Variants in LINGO2 observed in about 807,000 individuals in gnomAD.
LINGO2 encodes the protein leucine-rich repeat and immunoglobulin-like domain-containing nogo receptor-interacting protein 2.
In LINGO2, 14 loss-of-function variants were observed where a neutral mutation model predicts 30.6. That is an observed-to-expected ratio of 0.46 (90% CI 0.30 to 0.72). LINGO2 has a LOEUF of 0.72. Ranked by LOEUF, LINGO2 falls within the 30% of genes least tolerant of loss-of-function variation. The pLI is 0.07. For synonymous variants in LINGO2, 317 were observed against 288.5 expected, an observed-to-expected ratio of 1.10 and a Z score of -1.00; for missense variants, 729 against 751.7, an observed-to-expected ratio of 0.97 and a Z score of 0.35.
chr9:28,574,259 A>G (rs1339222731), intron 1 of LINGO2, among the ~76,000 whole-genome samples: 2 of 152,238 alleles, frequency 1.3e-5, no homozygotes, highest in African/African-American at 4.8e-5. Context: ...TGTTAAATTT[A>G]ACATTTGCAA....
the LINGO2 span, among the ~76,000 whole-genome samples, chr9:29,002,844 G>T: frequency 1.3e-5 from 2 of 151,850 alleles, no homozygotes; most frequent in African/African-American, 4.8e-5. Flanking sequence ...TGTCATTAGG[G>T]GTTCAGTTGT....
intron 5 of LINGO2, among the ~76,000 whole-genome samples, chr9:27,985,351 T>G (rs528253608): frequency 6.6e-6 from 1 of 152,028 alleles, no homozygotes; most frequent in South Asian, 2.1e-4. Flanking sequence ...AACATAAAAT[T>G]TACAGTATAC....
chr9:28,192,873 T>C (rs1819871294), intron 4 of LINGO2, among the ~76,000 whole-genome samples: 1 of 152,164 alleles, frequency 6.6e-6, no homozygotes, highest in South Asian at 2.1e-4. Context: ...GAAAATTTTG[T>C]CTTTTAGGCT....
At chr9:28,208,077 AT>A (rs1820470430) in intron 4 of LINGO2, among the ~76,000 whole-genome samples, 1 of 152,106 alleles carries the variant, frequency 6.6e-6, no homozygotes, top group Non-Finnish European at 1.5e-5. Context: ...ACTGTCCATT[AT>A]TTTACTGCTG....
At chr9:28,341,988 C>CG (rs1417407483) in intron 3 of LINGO2, among the ~76,000 whole-genome samples, 1 of 152,088 alleles carries the variant, frequency 6.6e-6, no homozygotes, top group Non-Finnish European at 1.5e-5. Context: ...GATGAATGCT[C>CG]AAGCCTTCTT....
chr9:28,740,228 C>T, the LINGO2 span, among the ~76,000 whole-genome samples: 1 of 151,486 alleles, frequency 6.6e-6, no homozygotes, highest in Non-Finnish European at 1.5e-5. Flanking sequence ...ATATATTCTG[C>T]TGCTGTTGAA....
At chr9:28,749,599 TA>T in the LINGO2 span, among the ~76,000 whole-genome samples, 5 of 151,892 alleles carry the variant, frequency 3.3e-5, no homozygotes, top group East Asian at 3.9e-4. Context: ...TCAGCATTTA[TA>T]AAAAAAATTA....
Position 28,019,329 on chromosome 9 carries a change from T to TC in LINGO2, c.-86-6925_-86-6924insG, listed in dbSNP as rs146336989. On this transcript the variant is annotated intron_variant, in intron 4 of 5. Transcript: ENST00000379992. Reference sequence around the variant, plus strand: ...CCTAGGGGAATATATGTTTTTTTTTTTCCATTCCTTAGTAATGGATTAGCA... The same window carrying TC: ...CCTAGGGGAATATATGTTTTTTTTTTCTCCATTCCTTAGTAATGGATTAGCA... Among the ~76,000 whole-genome samples, 32 of 141,094 alleles carry TC rather than the reference T, an allele frequency of 2.3e-4. No individual in the cohort carries two copies. In the East Asian group the frequency reaches 6.2e-3, roughly 28 times the overall value. 92.6% of individuals were successfully genotyped at this position (141,094 alleles called of 152,430 possible).
the LINGO2 span, among the ~76,000 whole-genome samples, chr9:28,988,459 G>T: frequency 6.6e-6 from 1 of 151,910 alleles, no homozygotes; most frequent in Non-Finnish European, 1.5e-5. Flanking sequence ...AGCATATAGT[G>T]GAGTCTTTAA....
chr9:29,086,165 ACT>A, the LINGO2 span, among the ~76,000 whole-genome samples: 1 of 152,010 alleles, frequency 6.6e-6, no homozygotes, highest in Non-Finnish European at 1.5e-5. Context: ...GACATGTAAG[ACT>A]CTGAAGTTCC....
At chr9:28,578,666 G>C (rs916935763) in intron 1 of LINGO2, among the ~76,000 whole-genome samples, 3 of 151,964 alleles carry the variant, frequency 2.0e-5, no homozygotes, top group Admixed American at 2.0e-4. Context: ...GGTCATTATA[G>C]TTATAAATTC....
At chr9:28,218,232 C>G (rs1820837061) in intron 4 of LINGO2, among the ~76,000 whole-genome samples, 1 of 150,586 alleles carries the variant, frequency 6.6e-6, no homozygotes, top group Non-Finnish European at 1.5e-5. Context: ...TACAATAACT[C>G]TATTATACAG....
intron 4 of LINGO2, among the ~76,000 whole-genome samples, chr9:28,171,844 T>C (rs1490220157): frequency 2.8e-5 from 4 of 144,370 alleles, no homozygotes; most frequent in African/African-American, 5.2e-5. Flanking sequence ...CCGTCTCTAC[T>C]GAAAAAAAAA....
chr9:28,227,494 G>C (rs1265109736), intron 4 of LINGO2, among the ~76,000 whole-genome samples: 1 of 152,044 alleles, frequency 6.6e-6, no homozygotes, highest in Non-Finnish European at 1.5e-5. Context: ...TGGAAATGCA[G>C]AATCTATATT....
the LINGO2 span, among the ~76,000 whole-genome samples, chr9:28,993,874 A>T: frequency 6.6e-6 from 1 of 152,150 alleles, no homozygotes; most frequent in Non-Finnish European, 1.5e-5. Flanking sequence ...ATCTCAAAAT[A>T]ATTAGAGCTA....
At chr9:29,090,583 T>C in the LINGO2 span, among the ~76,000 whole-genome samples, 1 of 152,072 alleles carries the variant, frequency 6.6e-6, no homozygotes, top group Non-Finnish European at 1.5e-5. Context: ...ACATATGTTC[T>C]CATAAGATGG....
At chr9:28,349,051 A>C (rs1819730988) in intron 3 of LINGO2, among the ~76,000 whole-genome samples, 1 of 151,686 alleles carries the variant, frequency 6.6e-6, no homozygotes, top group African/African-American at 2.4e-5. Context: ...GATGGGGAAA[A>C]AACAGAACAG....
At chr9:28,693,123 T>C in the LINGO2 span, among the ~76,000 whole-genome samples, 1 of 152,086 alleles carries the variant, frequency 6.6e-6, no homozygotes, top group Non-Finnish European at 1.5e-5. Context: ...CCGGGCACTT[T>C]TCTCCAATTT....
At chr9:29,078,978 T>C in the LINGO2 span, among the ~76,000 whole-genome samples, 1 of 151,922 alleles carries the variant, frequency 6.6e-6, no homozygotes, top group African/African-American at 2.4e-5. Flanking sequence ...ACCTATGAAG[T>C]AGGAAGCATT....
Sources: gnomAD v4.1 joint callset for allele counts (sites outside exome capture counted in the v4.1 genomes callset) on GRCh38, gnomAD v4.1.1 for gene constraint, MANE v1.5 for transcripts, NCBI Gene and HGNC (gene_info 2026-07-23, HGNC 2026-07-21) for gene names.